Variants in TXNL1 observed in about 807,000 individuals in gnomAD.
TXNL1 encodes the protein thioredoxin-like protein 1.
TXNL1 carries 14 observed loss-of-function variants against 35.5 expected under a neutral mutation model. The ratio of observed to expected loss-of-function variants is 0.39; its 90% CI spans 0.26 to 0.62. The LOEUF (loss-of-function observed/expected upper bound fraction) is 0.62, where lower values mean the gene tolerates loss of function less well. Ranked by LOEUF, TXNL1 falls within the 20% of genes least tolerant of loss-of-function variation. The pLI is 0.47. For synonymous variants in TXNL1, 110 were observed against 115.5 expected (o/e 0.95, Z 0.31); for missense variants, 263 against 349.7 (o/e 0.75, Z 1.98).
intron 7 of TXNL1, among the ~76,000 whole-genome samples, chr18:56,603,465 T>C (rs1353640644): frequency 6.6e-6 from 1 of 152,164 alleles, no homozygotes; most frequent in Non-Finnish European, 1.5e-5. Context: ...ATGTCCTTCA[T>C]GCCCAATATA....
At chr18:56,627,175 T>A (rs1371973336) in intron 1 of TXNL1, among the ~76,000 whole-genome samples, 2 of 152,120 alleles carry the variant, frequency 1.3e-5, no homozygotes, top group Non-Finnish European at 2.9e-5. Flanking sequence ...TATACTGTCT[T>A]AATGAGCCCA....
At chr18:56,615,474 G>GA (rs2024070900) in intron 5 of TXNL1, among the ~76,000 whole-genome samples, 1 of 149,490 alleles carries the variant, frequency 6.7e-6, no homozygotes, top group Admixed American at 6.7e-5. Flanking sequence ...AAAAAATGGG[G>GA]GGGGGCAAAA....
At position 56,638,354 on chromosome 18, in the gene TXNL1, G is replaced by A; in HGVS notation, c.87C>T (p.Phe29=). 2 of 1,613,342 alleles carry A rather than the reference G, an allele frequency of 1.2e-6. No individual in the cohort carries two copies. Among genetic ancestry groups the A allele is most frequent in the South Asian group, 2.2e-5 (2 of 90,920 alleles). ...GAGSRLAVVK[F]TMRGCGPCLR... Reference sequence around the variant, plus strand: ...GAGCCTGGCCTCACCCTCTCATGGTGAACTTGACCACGGCGAGTCTGGAGC... The same window carrying A: ...GAGCCTGGCCTCACCCTCTCATGGTAAACTTGACCACGGCGAGTCTGGAGC... The change falls in exon 1 of 8, where the codon TTC becomes TTT. Residue 29 remains phenylalanine (F), a synonymous_variant. Transcript: ENST00000217515.
chr18:56,626,801 T>TTTTTTG (rs2024290598), intron 1 of TXNL1, among the ~76,000 whole-genome samples: 1 of 114,812 alleles, frequency 8.7e-6, no homozygotes, highest in Non-Finnish European at 1.7e-5. Context: ...GCCGGTCTTT[T>TTTTTTG]TTTTTTTTTT....
chr18:56,631,435 G>A (rs2024369148), intron 1 of TXNL1, among the ~76,000 whole-genome samples: 2 of 151,944 alleles, frequency 1.3e-5, no homozygotes, highest in Non-Finnish European at 2.9e-5. Flanking sequence ...CACTGCAAAA[G>A]GTTCAAGAGA....
Position 56,618,028 on chromosome 18 carries a change from G to A in TXNL1, c.468C>T (p.Phe156=), listed in dbSNP as rs1300304429. The A allele has an allele frequency of 6.2e-7, 1 of 1,613,834 alleles. No homozygotes were observed. Among genetic ancestry groups the A allele is most frequent in the African/African-American group, 1.3e-5 (1 of 74,908 alleles). ...FDNCLRKDTT[F]LESDCDEQLL... is the part of the protein sequence containing the mutation. Reference sequence around the variant, plus strand: ...CCTGTTCATCACAGTCAGATTCCAAGAAGGTTGTGTCTTTTCGTAAACAGT... The same window carrying A: ...CCTGTTCATCACAGTCAGATTCCAAAAAGGTTGTGTCTTTTCGTAAACAGT... Residue 156 remains phenylalanine, a synonymous_variant, in exon 4 of 8, where the codon TTC becomes TTT. Transcript: ENST00000217515.
At chr18:56,628,173 A>T (rs1320332378) in intron 1 of TXNL1, among the ~76,000 whole-genome samples, 1 of 152,188 alleles carries the variant, frequency 6.6e-6, no homozygotes, top group Non-Finnish European at 1.5e-5. Flanking sequence ...ATACCCGGGA[A>T]ATGCAGATTA....
chr18:56,599,491 C>T lies in TXNL1; in HGVS notation c.*3536G>A, dbSNP rs2023783537. 6.6e-6 allele frequency: 1 copy of T among 151,766 alleles called. No individual in the cohort carries two copies. Among genetic ancestry groups the T allele is most frequent in the East Asian group, 1.9e-4 (1 of 5,190 alleles). The allele number at this position is 151,766 out of a possible 1,614,324, so 9.4% of individuals were successfully genotyped here. On this transcript the variant is annotated 3_prime_UTR_variant, in exon 8 of 8. Coordinates refer to ENST00000217515, the MANE Select transcript of TXNL1 (RefSeq NM_004786.3). ...TTACAAAACTGTAAAATACACACCT[C>T]TAATAATGAGTTTTAAAGCTAAATG...
At chr18:56,616,131 C>CA (rs778338602) in intron 5 of TXNL1, 114 bp downstream of exon 5, 63,039 of 682,058 alleles carry the variant, frequency 0.092, 5 homozygotes, top group Middle Eastern at 0.099. Flanking sequence ...GACTCTGTCT[C>CA]AAAAAAAAAA....
At chr18:56,635,264 A>G (rs566665838) in intron 1 of TXNL1, among the ~76,000 whole-genome samples, 5 of 152,316 alleles carry the variant, frequency 3.3e-5, no homozygotes, top group Non-Finnish European at 7.3e-5. Context: ...TCTCTAACAA[A>G]TAAGAAAAAA....
intron 7 of TXNL1, among the ~76,000 whole-genome samples, chr18:56,607,321 ATT>A (rs772856471): frequency 1.4e-5 from 2 of 141,868 alleles, no homozygotes; most frequent in Non-Finnish European, 3.1e-5. Context: ...TGCATGGGTA[ATT>A]TTTTTTTTTT....
chr18:56,609,244 AT>A (rs1371104372), intron 7 of TXNL1: 2 of 152,184 alleles, frequency 1.3e-5, no homozygotes, highest in Non-Finnish European at 2.9e-5. Flanking sequence ...GTTAAAAAAA[AT>A]CAAATGAATA....
intron 3 of TXNL1, among the ~76,000 whole-genome samples, chr18:56,618,770 C>A (rs1568103779): frequency 6.6e-6 from 1 of 150,864 alleles, no homozygotes; most frequent in Admixed American, 6.6e-5. Flanking sequence ...TAAAAAAAAA[C>A]ATTCTCAATA....
Position 56,600,519 on chromosome 18 carries a change from G to A in TXNL1, c.*2508C>T, listed in dbSNP as rs2023798510. Reference sequence around the variant, plus strand: ...GTGGCTGCCTCCAACAGAATATTGAGACTGGGGAACAACGTGGGGCAGGTT... The same window carrying A: ...GTGGCTGCCTCCAACAGAATATTGAAACTGGGGAACAACGTGGGGCAGGTT... On this transcript the variant is annotated 3_prime_UTR_variant, in exon 8 of 8. Transcript: ENST00000217515. 6.6e-6 allele frequency: 1 copy of A among 151,644 alleles called. No homozygotes were observed. The highest frequency in any genetic ancestry group is 2.4e-5 in the African/African-American group (1 of 41,112). The allele number at this position is 151,644 out of a possible 1,614,324, so 9.4% of individuals were successfully genotyped here. A position where few individuals can be genotyped will look rare whatever the true frequency, so the allele number is the denominator to read the frequency against.
At chr18:56,631,943 C>T (rs901525038) in intron 1 of TXNL1, among the ~76,000 whole-genome samples, 7 of 149,742 alleles carry the variant, frequency 4.7e-5, no homozygotes, top group African/African-American at 1.7e-4. Flanking sequence ...AAAAAGGAAC[C>T]CACAAAACTA....
chr18:56,617,373 A>G (rs2024105788), intron 4 of TXNL1, among the ~76,000 whole-genome samples: 1 of 152,228 alleles, frequency 6.6e-6, no homozygotes, highest in Non-Finnish European at 1.5e-5. Flanking sequence ...GCCAGTGAAG[A>G]GTCATTTTAC....
chr18:56,622,010 C>CAAA (rs373833617), intron 3 of TXNL1, among the ~76,000 whole-genome samples: 1 of 73,154 alleles, frequency 1.4e-5, no homozygotes, highest in African/African-American at 5.3e-5. Flanking sequence ...AACTCCATCT[C>CAAA]AAAAAAAAAA....
intron 2 of TXNL1, among the ~76,000 whole-genome samples, chr18:56,625,403 G>A (rs1408091023): frequency 6.6e-6 from 1 of 152,020 alleles, no homozygotes; most frequent in African/African-American, 2.4e-5. Flanking sequence ...AAAAGATAAT[G>A]CAATATTTTA....
At chr18:56,603,281 GTTTT>G (rs34882850) in intron 7 of TXNL1, among the ~76,000 whole-genome samples, 1 of 120,372 alleles carries the variant, frequency 8.3e-6, no homozygotes, top group Admixed American at 8.7e-5. Flanking sequence ...GTTTCACACA[GTTTT>G]TTTTTTTTTT....
Sources: allele counts gnomAD v4.1 joint callset (sites outside exome capture counted in the v4.1 genomes callset), GRCh38; gene constraint gnomAD v4.1.1; transcripts MANE v1.5; gene names NCBI Gene and HGNC (gene_info 2026-07-23, HGNC 2026-07-21).